Variants in DAPP1 observed in about 807,000 individuals in gnomAD.
DAPP1 encodes the protein dual adapter for phosphotyrosine and 3-phosphotyrosine and 3-phosphoinositide.
A neutral mutation model predicts 41.5 loss-of-function variants in DAPP1; 20 were observed. The observed-to-expected ratio is 0.48, with a 90% confidence interval of 0.34 to 0.70. DAPP1 has a LOEUF of 0.70. DAPP1 is among the 30% of genes least tolerant of loss of function. The pLI is 0.01. For missense variants in DAPP1, 233 were observed against 333.4 expected (o/e 0.70, Z 2.35); for synonymous variants, 113 against 116.2 (o/e 0.97, Z 0.18).
intron 8 of DAPP1, among the ~76,000 whole-genome samples, chr4:99,867,065 C>T (rs116248255): frequency 0.023 from 3,487 of 152,062 alleles, 135 homozygotes; most frequent in African/African-American, 0.079. Context: ...GCACCATGCC[C>T]GGCCAGATGA....
chr4:99,838,267 T>C (rs920986642), intron 2 of DAPP1, among the ~76,000 whole-genome samples: 1 of 152,182 alleles, frequency 6.6e-6, no homozygotes, highest in Non-Finnish European at 1.5e-5. Flanking sequence ...TTGATTTTCA[T>C]TGCAAGCACT....
At chr4:99,860,093 G>T (rs769942496) in intron 4 of DAPP1, among the ~76,000 whole-genome samples, 9 of 152,256 alleles carry the variant, frequency 5.9e-5, no homozygotes, top group Non-Finnish European at 8.8e-5. Context: ...CCCAATGGGG[G>T]CTCTTATAAA....
chr4:99,865,966 T>TA (rs1307444770), intron 7 of DAPP1, 68 bp from the exon 8 acceptor site: 3,929 of 80,132 alleles, frequency 0.049, 225 homozygotes, highest in Middle Eastern at 0.068. Flanking sequence ...ATTATATATA[T>TA]TATATATATA....
At chr4:99,825,387 A>G (rs1722906152) in intron 1 of DAPP1, among the ~76,000 whole-genome samples, 1 of 152,090 alleles carries the variant, frequency 6.6e-6, no homozygotes, top group Admixed American at 6.5e-5. Context: ...CCTGATCTCA[A>G]ACTCCTACAG....
At chr4:99,871,941 G>A (rs758288061), downstream of DAPP1, among the ~76,000 whole-genome samples, 26 of 152,192 alleles carry the variant, frequency 1.7e-4, no homozygotes, top group Non-Finnish European at 3.2e-4. Context: ...CCTTAAGCAG[G>A]GGTTGTGTGC....
At chr4:99,826,023 T>G (rs1275383374) in intron 1 of DAPP1, among the ~76,000 whole-genome samples, 1 of 152,172 alleles carries the variant, frequency 6.6e-6, no homozygotes, top group African/African-American at 2.4e-5. Flanking sequence ...TATGAACAAA[T>G]GAGCATGAAT....
intron 3 of DAPP1, among the ~76,000 whole-genome samples, chr4:99,851,252 G>T (rs1578183087): frequency 1.3e-5 from 2 of 152,258 alleles, no homozygotes; most frequent in East Asian, 3.9e-4. Context: ...ATTGACAAAA[G>T]AGAGCACAAT....
At chr4:99,839,690 T>G (rs1474001339) in intron 2 of DAPP1, among the ~76,000 whole-genome samples, 1 of 152,194 alleles carries the variant, frequency 6.6e-6, no homozygotes, top group East Asian at 1.9e-4. Context: ...CTCATGCCCC[T>G]TAGCAGCATA....
chr4:99,823,442 G>T (rs1453108706), intron 1 of DAPP1, among the ~76,000 whole-genome samples: 1 of 152,094 alleles, frequency 6.6e-6, no homozygotes, highest in Non-Finnish European at 1.5e-5. Flanking sequence ...CTTGATTCTA[G>T]TTTTTAAGAA....
intron 7 of DAPP1, 151 bp downstream of exon 7, chr4:99,864,006 A>G (rs1326284390): frequency 1.8e-6 from 1 of 562,356 alleles, no homozygotes; most frequent in African/African-American, 2.0e-5. Flanking sequence ...GCTGAGTGTG[A>G]CATAACACCT....
intron 4 of DAPP1, among the ~76,000 whole-genome samples, chr4:99,858,470 A>AAT (rs1187451319): frequency 6.6e-6 from 1 of 152,184 alleles, no homozygotes; most frequent in African/African-American, 2.4e-5. Flanking sequence ...TCTGTCTCAT[A>AAT]ATGGTGTGTT....
chr4:99,828,067 T>C (rs1411207420), intron 1 of DAPP1, among the ~76,000 whole-genome samples: 2 of 152,244 alleles, frequency 1.3e-5, no homozygotes, highest in Non-Finnish European at 2.9e-5. Flanking sequence ...CCTATACAAG[T>C]ACTGAGTTCC....
intron 1 of DAPP1, among the ~76,000 whole-genome samples, chr4:99,832,236 G>A (rs1389280559): frequency 6.6e-6 from 1 of 152,170 alleles, no homozygotes; most frequent in Non-Finnish European, 1.5e-5. Flanking sequence ...GGCAGAAAAG[G>A]TTGATTATGG....
intron 2 of DAPP1, among the ~76,000 whole-genome samples, 176 bp from the exon 3 acceptor site, chr4:99,840,113 C>G (rs1036069167): frequency 1.3e-5 from 2 of 152,062 alleles, no homozygotes; most frequent in East Asian, 3.9e-4. Context: ...TTGAAAAGAG[C>G]AAACTCTGCC....
At position 99,868,156 on chromosome 4, in the gene DAPP1, A is replaced by T; in HGVS notation, c.814A>T (p.Ile272Phe). The part of the protein sequence containing the change: ...RKQLNQGEGT[I>F]RSRSFIFK ...ACAGCTCAACCAAGGGGAAGGCACGATCCGATCTCGGTCGTTCATCTTTAA... is the reference window on the plus strand; with the variant it reads ...ACAGCTCAACCAAGGGGAAGGCACGTTCCGATCTCGGTCGTTCATCTTTAA... The change falls in exon 9 of 9, where the codon ATC (isoleucine) becomes TTC (phenylalanine). Residue 272 changes from isoleucine (I) to phenylalanine (F), a missense_variant. Coordinates refer to ENST00000512369, the MANE Select transcript of DAPP1 (RefSeq NM_014395.3). 6.2e-7 allele frequency: 1 copy of T among 1,613,972 alleles called. No individual in the cohort carries two copies. Among genetic ancestry groups the T allele is most frequent in the Non-Finnish European group, 8.5e-7 (1 of 1,179,862 alleles).
At chr4:99,871,520 T>C (rs150766969), downstream of DAPP1, among the ~76,000 whole-genome samples, 11 of 152,364 alleles carry the variant, frequency 7.2e-5, no homozygotes, top group Non-Finnish European at 1.3e-4. Context: ...AGTTTATTAT[T>C]ATCAGATTCA....
At chr4:99,865,378 C>T (rs1371723814) in intron 7 of DAPP1, 3 of 152,138 alleles carry the variant, frequency 2.0e-5, no homozygotes, top group Admixed American at 6.5e-5. Flanking sequence ...AATTACTATA[C>T]ATTTAGGAAA....
At chr4:99,866,276 C>A (rs1282509046) in intron 8 of DAPP1, among the ~76,000 whole-genome samples, 155 bp downstream of exon 8, 1 of 151,888 alleles carries the variant, frequency 6.6e-6, no homozygotes, top group Non-Finnish European at 1.5e-5. Context: ...GTTAATTCTT[C>A]TGGGACATGA....
At chr4:99,853,554 G>C (rs560369500) in intron 4 of DAPP1, among the ~76,000 whole-genome samples, 1 of 152,198 alleles carries the variant, frequency 6.6e-6, no homozygotes, top group African/African-American at 2.4e-5. Context: ...AGACATGGTG[G>C]TTCATGCCTG....
Sources: gnomAD v4.1 joint callset for allele counts (sites outside exome capture counted in the v4.1 genomes callset) on GRCh38, gnomAD v4.1.1 for gene constraint, MANE v1.5 for transcripts, NCBI Gene and HGNC (gene_info 2026-07-23, HGNC 2026-07-21) for gene names.